ATG4B: variants seen among roughly 807,000 people sequenced by gnomAD.
ATG4B encodes the protein autophagy related 4B cysteine peptidase.
In ATG4B, 29 loss-of-function variants were observed where a neutral mutation model predicts 56.6. The ratio of observed to expected loss-of-function variants is 0.51; its 90% confidence interval spans 0.38 to 0.70. ATG4B has a LOEUF of 0.70. ATG4B is among the 30% of genes least tolerant of loss of function. The pLI is 0.00. For synonymous variants in ATG4B, 224 were observed against 206.1 expected, an observed-to-expected ratio of 1.09 and a Z score of -0.74; for missense variants, 461 against 515.5, an observed-to-expected ratio of 0.89 and a Z score of 1.02.
At chr2:241,650,178 C>T (rs964247512) in intron 1 of ATG4B, among the ~76,000 whole-genome samples, 2 of 152,180 alleles carry the variant, frequency 1.3e-5, no homozygotes, top group African/African-American at 4.8e-5. Context: ...CCAGCTGCCT[C>T]CTTAGAAAGT....
chr2:241,662,290 G>C (rs112159473), intron 7 of ATG4B, among the ~76,000 whole-genome samples: 1,809 of 152,286 alleles, frequency 0.012, 39 homozygotes, highest in African/African-American at 0.042. Context: ...TTTGAAGAAA[G>C]GCAGTCTCAA....
rs200571075 is a variant in ATG4B, at chr2:241,643,690, ATT to A, written c.10+5969_10+5970del. 4.2e-3 allele frequency among the ~76,000 whole-genome samples: 364 copies of A among 87,366 alleles called. 5 individuals carry two copies. The highest frequency in any genetic ancestry group is 0.013 in the African/African-American group (201 of 15,492). The allele number at this position is 87,366 out of a possible 152,430, so 57.3% of individuals were successfully genotyped here. ...TGTGTGTGTGTGTGTGTATGTATAT[ATT>A]TTCCCCCCCCCCCGTCGTCCAGGCT... On this transcript the variant is annotated intron_variant, in intron 1 of 12. Transcript: ENST00000404914.
rs2068638901 is a variant in ATG4B, at chr2:241,663,046, G to A, written c.539-3599G>A. Among the ~76,000 whole-genome samples, 4 of 152,092 alleles carry A rather than the reference G, an allele frequency of 2.6e-5. No homozygotes were observed. The South Asian group carries it at 8.3e-4, about 32-fold the overall frequency. Reference sequence around the variant, plus strand: ...AGGTCAGGAGTTAAAGACCAGCCTGGTCAACATCGTAAAACCCCATGTCTA... The same window carrying A: ...AGGTCAGGAGTTAAAGACCAGCCTGATCAACATCGTAAAACCCCATGTCTA... On this transcript the variant is annotated intron_variant, in intron 7 of 12. Transcript: ENST00000404914.
intron 7 of ATG4B, 83 bp downstream of exon 7, chr2:241,659,270 G>T: frequency 7.9e-7 from 1 of 1,260,488 alleles, no homozygotes. Context: ...CCCCACGGGA[G>T]CCTCGGCGAG....
At chr2:241,660,209 C>T (rs1384120907) in intron 7 of ATG4B, among the ~76,000 whole-genome samples, 1 of 152,164 alleles carries the variant, frequency 6.6e-6, no homozygotes, top group Non-Finnish European at 1.5e-5. Flanking sequence ...AAAAAAAGAC[C>T]TCATTCAGAG....
intron 10 of ATG4B, among the ~76,000 whole-genome samples, chr2:241,669,322 C>T (rs938474115): frequency 1.3e-5 from 2 of 152,212 alleles, no homozygotes; most frequent in Non-Finnish European, 2.9e-5. Flanking sequence ...AAGCAGTTAA[C>T]CGAATCGGGG....
At chr2:241,638,259 A>C (rs1404302327) in intron 1 of ATG4B, 4 of 152,264 alleles carry the variant, frequency 2.6e-5, no homozygotes, top group Non-Finnish European at 5.9e-5. Flanking sequence ...TCTTCAATTT[A>C]GTAACCAGTA....
chr2:241,637,725 G>A lies in ATG4B; in HGVS notation c.10+1G>A, dbSNP rs1399019392. 5 of 1,578,124 alleles carry A rather than the reference G, an allele frequency of 3.2e-6. No individual in the cohort carries two copies. The highest frequency in any genetic ancestry group is 4.3e-6 in the Non-Finnish European group (5 of 1,165,472). ...GGCCGGACTGGGAAGATGGACGCAG[G>A]TGAGGAGTTGCCGGGGGTCGGTCTT... On this transcript the variant is annotated splice_donor_variant, in intron 1 of 12. Coordinates refer to ENST00000404914, the MANE Select transcript of ATG4B (RefSeq NM_013325.5). LOFTEE classifies it high-confidence loss of function.
At chr2:241,660,233 T>C (rs758993037) in intron 7 of ATG4B, among the ~76,000 whole-genome samples, 1 of 152,196 alleles carries the variant, frequency 6.6e-6, no homozygotes, top group African/African-American at 2.4e-5. Flanking sequence ...CAGCCGTAAC[T>C]GCGCACAGAT....
At chr2:241,647,826 G>A (rs556224206) in intron 1 of ATG4B, among the ~76,000 whole-genome samples, 2 of 152,050 alleles carry the variant, frequency 1.3e-5, no homozygotes, top group South Asian at 2.1e-4. Context: ...TAAAAAGATA[G>A]GAGTGGGCCG....
intron 1 of ATG4B, among the ~76,000 whole-genome samples, chr2:241,645,532 C>T (rs1380411354): frequency 6.6e-6 from 1 of 152,192 alleles, no homozygotes; most frequent in Non-Finnish European, 1.5e-5. Flanking sequence ...GTGGTTACTG[C>T]TCCCGTGCAG....
intron 1 of ATG4B, among the ~76,000 whole-genome samples, chr2:241,641,584 G>C (rs955127349): frequency 6.6e-6 from 1 of 151,730 alleles, no homozygotes; most frequent in African/African-American, 2.4e-5. Context: ...AGATGGGGAA[G>C]ACTTGGGGAG....
At chr2:241,655,442 C>T (rs370758828) in intron 6 of ATG4B, 99 bp downstream of exon 6, 5 of 1,232,600 alleles carry the variant, frequency 4.1e-6, no homozygotes, top group South Asian at 4.0e-5. Context: ...AATAAGGGGT[C>T]TCTAATTATT....
chr2:241,669,885 A>G (rs62190306), intron 10 of ATG4B, among the ~76,000 whole-genome samples: 30,020 of 152,134 alleles, frequency 0.2, 3,302 homozygotes, highest in East Asian at 0.28. Context: ...CTGTAAACGC[A>G]GCTTGGTGGC....
intron 7 of ATG4B, among the ~76,000 whole-genome samples, chr2:241,661,660 G>C (rs779188129): frequency 6.6e-6 from 1 of 152,202 alleles, no homozygotes; most frequent in African/African-American, 2.4e-5. Flanking sequence ...CAGCGAAAGA[G>C]CTGCCTGACG....
chr2:241,657,661 G>T (rs1461875549), intron 6 of ATG4B, among the ~76,000 whole-genome samples: 1 of 152,086 alleles, frequency 6.6e-6, no homozygotes, highest in South Asian at 2.1e-4. Flanking sequence ...CTTTCAGTGG[G>T]CCCATTCAAA....
intron 1 of ATG4B, 72 bp downstream of exon 1, chr2:241,637,796 C>T: frequency 1.4e-6 from 2 of 1,381,368 alleles, no homozygotes; most frequent in Non-Finnish European, 1.9e-6. Context: ...CTGCTCGGGT[C>T]GGGCTGCCGC....
intron 1 of ATG4B, among the ~76,000 whole-genome samples, chr2:241,639,877 C>G (rs936963590): frequency 6.6e-6 from 1 of 152,174 alleles, no homozygotes; most frequent in Non-Finnish European, 1.5e-5. Context: ...TAGAGGAAAG[C>G]GCACCAAACA....
chr2:241,670,382 TCA>T (rs1559274631), intron 10 of ATG4B, among the ~76,000 whole-genome samples: 3 of 151,978 alleles, frequency 2.0e-5, no homozygotes, highest in Admixed American at 2.0e-4. Flanking sequence ...TGCCTCACAG[TCA>T]CAGAGAGAAG....
Sources: allele counts gnomAD v4.1 joint callset (sites outside exome capture counted in the v4.1 genomes callset), GRCh38; gene constraint gnomAD v4.1.1; transcripts MANE v1.5; gene names NCBI Gene and HGNC (gene_info 2026-07-23, HGNC 2026-07-21).